DLG2: variants seen among roughly 807,000 people sequenced by gnomAD.
The protein encoded by DLG2 is discs large MAGUK scaffold protein 2.
A neutral mutation model predicts 132.5 loss-of-function variants in DLG2; 45 were observed. The ratio of observed to expected loss-of-function variants is 0.34; its 90% confidence interval spans 0.27 to 0.44. The LOEUF (loss-of-function observed/expected upper bound fraction) is 0.44. Among genes scored for constraint, DLG2 ranks in the 20% least tolerant of loss-of-function variants. The pLI, the probability that DLG2 is intolerant of heterozygous loss-of-function variation, is 1.00. For missense variants in DLG2, 1,045 were observed against 1,196.9 expected (o/e 0.87, Z 1.87); for synonymous variants, 424 against 419.6 (o/e 1.01, Z -0.13).
intron 6 of DLG2, among the ~76,000 whole-genome samples, chr11:84,754,459 T>C (rs1332318707): frequency 6.6e-6 from 1 of 152,116 alleles, no homozygotes; most frequent in Non-Finnish European, 1.5e-5. Context: ...AATAGATAAA[T>C]AACAATTATA....
chr11:85,179,001 T>G lies in DLG2; in HGVS notation c.187-24350A>C, dbSNP rs138821114. 1.8e-3 allele frequency among the ~76,000 whole-genome samples: 281 copies of G among 152,022 alleles called. 1 individual carries two copies. Among genetic ancestry groups the G allele is most frequent in the African/African-American group, 6.5e-3 (271 of 41,516 alleles). On this transcript the variant is annotated intron_variant, in intron 4 of 27. Coordinates refer to ENST00000376104, the MANE Select transcript of DLG2 (RefSeq NM_001142699.3). Reference sequence around the variant, plus strand: ...TTTCAAAAAGAGATGAGTCCACCGATAGAAAAAGCTTTCTAAGAGGCAGTG... The same window carrying G: ...TTTCAAAAAGAGATGAGTCCACCGAGAGAAAAAGCTTTCTAAGAGGCAGTG...
chr11:83,868,122 C>G (rs1439418274), intron 16 of DLG2, among the ~76,000 whole-genome samples: 2 of 152,174 alleles, frequency 1.3e-5, no homozygotes, highest in African/African-American at 4.8e-5. Context: ...ATTTGCTGCT[C>G]TGACAGATTC....
Position 84,215,776 on chromosome 11 carries a change from AT to A in DLG2, c.573+35461del, listed in dbSNP as rs779687667. Among the ~76,000 whole-genome samples the A allele has an allele frequency of 1.4e-4, 21 of 152,340 alleles. No homozygotes were observed. The South Asian group carries it at 2.1e-3, about 15-fold the overall frequency. On this transcript the variant is annotated intron_variant, in intron 8 of 27. Coordinates refer to ENST00000376104, the MANE Select transcript of DLG2 (RefSeq NM_001142699.3). Reference sequence around the variant, plus strand: ...TACTCTGAGATGAAAAGATAAAAAAATAACATCACTGGTCATGAACAGGTCA... The same window carrying A: ...TACTCTGAGATGAAAAGATAAAAAAAAACATCACTGGTCATGAACAGGTCA...
intron 3 of DLG2, among the ~76,000 whole-genome samples, chr11:85,387,560 A>G (rs183788274): frequency 1.3e-5 from 2 of 152,344 alleles, no homozygotes; most frequent in Admixed American, 1.3e-4. Context: ...TGACCAGTGT[A>G]TGTCTAGCAG....
intron 3 of DLG2, among the ~76,000 whole-genome samples, chr11:85,402,924 G>C (rs1054003449): frequency 6.6e-6 from 1 of 152,116 alleles, no homozygotes; most frequent in Non-Finnish European, 1.5e-5. Flanking sequence ...CATTGTGGAA[G>C]ATAGTGTGGC....
chr11:84,688,415 T>C (rs1480745902), intron 6 of DLG2, among the ~76,000 whole-genome samples: 1 of 152,204 alleles, frequency 6.6e-6, no homozygotes, highest in African/African-American at 2.4e-5. Context: ...TTTAGAAGGC[T>C]TGGCATCAAA....
intron 11 of DLG2, among the ~76,000 whole-genome samples, chr11:84,024,420 A>G (rs972903674): frequency 6.6e-6 from 1 of 152,164 alleles, no homozygotes; most frequent in Admixed American, 6.6e-5. Context: ...CTGTTTGTTT[A>G]CACAAAATAT....
intron 6 of DLG2, among the ~76,000 whole-genome samples, chr11:84,888,218 AGT>A (rs1184085406): frequency 6.6e-6 from 1 of 152,124 alleles, no homozygotes; most frequent in Non-Finnish European, 1.5e-5. Flanking sequence ...GGTGTTTCGG[AGT>A]AAATTAGCAT....
intron 10 of DLG2, among the ~76,000 whole-genome samples, chr11:84,060,690 C>T (rs1280209353): frequency 2.6e-5 from 4 of 152,138 alleles, no homozygotes; most frequent in African/African-American, 9.6e-5. Context: ...GTTAAGAGCA[C>T]GGGGCTTGAG....
intron 7 of DLG2, among the ~76,000 whole-genome samples, chr11:84,434,313 C>T (rs1279662714): frequency 1.3e-5 from 2 of 152,138 alleles, no homozygotes; most frequent in East Asian, 1.9e-4. Flanking sequence ...AACATTATCA[C>T]TTTGAAATTC....
chr11:84,547,995 C>T (rs754857134), intron 6 of DLG2, among the ~76,000 whole-genome samples: 1 of 152,144 alleles, frequency 6.6e-6, no homozygotes, highest in African/African-American at 2.4e-5. Context: ...AGATTTTCAA[C>T]AATAAAATCA....
chr11:84,868,206 C>T (rs781479410), intron 6 of DLG2, among the ~76,000 whole-genome samples: 9 of 148,012 alleles, frequency 6.1e-5, no homozygotes, highest in Non-Finnish European at 1.3e-4. Context: ...ACTATCATGG[C>T]CATTGAAGGT....
At chr11:85,504,072 T>G (rs1406550124) in intron 3 of DLG2, among the ~76,000 whole-genome samples, 1 of 152,340 alleles carries the variant, frequency 6.6e-6, no homozygotes, top group Non-Finnish European at 1.5e-5. Flanking sequence ...GATTTTTTCC[T>G]TGTAAATTTG....
At chr11:83,766,003 A>C (rs2094126187) in intron 18 of DLG2, among the ~76,000 whole-genome samples, 1 of 152,088 alleles carries the variant, frequency 6.6e-6, no homozygotes, top group Non-Finnish European at 1.5e-5. Context: ...TGTTTTGCTC[A>C]GTTACTTGGA....
chr11:84,205,791 A>G (rs2096658058), intron 8 of DLG2, among the ~76,000 whole-genome samples: 1 of 152,126 alleles, frequency 6.6e-6, no homozygotes, highest in East Asian at 1.9e-4. Context: ...AAAAAGCTAC[A>G]AAAATGAAGA....
At chr11:84,814,107 G>A (rs891626862) in intron 6 of DLG2, among the ~76,000 whole-genome samples, 2 of 152,008 alleles carry the variant, frequency 1.3e-5, no homozygotes, top group African/African-American at 2.4e-5. Flanking sequence ...AGCGAAATGC[G>A]CTTGTAGATT....
chr11:85,262,347 G>A (rs979603367), intron 4 of DLG2, among the ~76,000 whole-genome samples: 5 of 152,118 alleles, frequency 3.3e-5, no homozygotes, highest in Admixed American at 6.5e-5. Flanking sequence ...TGTAACAAAA[G>A]CCCACCAAGA....
chr11:84,598,588 A>C (rs1039921010), intron 6 of DLG2, among the ~76,000 whole-genome samples: 1 of 152,146 alleles, frequency 6.6e-6, no homozygotes, highest in Non-Finnish European at 1.5e-5. Flanking sequence ...GTATGAAAGG[A>C]ATTCCACCTC....
intron 7 of DLG2, among the ~76,000 whole-genome samples, chr11:84,275,130 G>A (rs2097771783): frequency 6.6e-6 from 1 of 152,150 alleles, no homozygotes; most frequent in Admixed American, 6.5e-5. Context: ...CCCACTTGCT[G>A]GGTCTTGTGA....
Sources: allele counts gnomAD v4.1 joint callset (sites outside exome capture counted in the v4.1 genomes callset), GRCh38; gene constraint gnomAD v4.1.1; transcripts MANE v1.5; gene names NCBI Gene and HGNC (gene_info 2026-07-23, HGNC 2026-07-21).